FNTB: variants seen among roughly 807,000 people sequenced by gnomAD.
The protein encoded by FNTB is protein farnesyltransferase subunit beta.
In FNTB, 27 loss-of-function variants were observed where a neutral mutation model predicts 59.4. The observed-to-expected ratio is 0.45, with a 90% CI of 0.34 to 0.63. FNTB has a LOEUF of 0.63. Ranked by LOEUF, FNTB falls within the 20% of genes least tolerant of loss-of-function variation. The pLI is 0.02. For missense variants in FNTB, 449 were observed against 559.6 expected (o/e 0.80, Z 1.99); for synonymous variants, 230 against 220.7 (o/e 1.04, Z -0.37).
Position 65,032,305 on chromosome 14 carries a change from A to T in FNTB, c.606-305A>T. 1 of 251,016 alleles carries T rather than the reference A, an allele frequency of 4.0e-6. No homozygotes were observed. Among genetic ancestry groups the T allele is most frequent in the Non-Finnish European group, 7.6e-6 (1 of 131,686 alleles). The allele number at this position is 251,016 out of a possible 1,614,324, so 15.5% of individuals were successfully genotyped here. ...AACCATTATAGGTCTTTGAAAGAAG[A>T]GCTGAATCCACTTTTGACATGAATT... On this transcript the variant is annotated intron_variant, in intron 6 of 11. Coordinates refer to ENST00000246166, the MANE Select transcript of FNTB (RefSeq NM_002028.4). This position sits in a 1 kb window ranked among gnomAD's most constrained non-coding sequence, Gnocchi z 5.0.
Position 65,017,002 on chromosome 14 carries a change from T to A in FNTB, c.374+1286T>A, listed in dbSNP as rs138592521. Among the ~76,000 whole-genome samples, 951 of 146,486 alleles carry A rather than the reference T, an allele frequency of 6.5e-3. 17 individuals carry two copies. The highest frequency in any genetic ancestry group is 0.046 in the South Asian group (204 of 4,462). On this transcript the variant is annotated intron_variant, in intron 4 of 11. Coordinates refer to ENST00000246166, the MANE Select transcript of FNTB (RefSeq NM_002028.4). ...CAGTGGCACAGTCTCAGCTCACTGC[T>A]GCCTCTGCTTCCCGGGTTCAAGCGA... is the stretch of plus-strand genomic sequence containing the variant.
intron 1 of FNTB, among the ~76,000 whole-genome samples, chr14:64,989,272 CAAAAAAAA>C (rs58654871): frequency 1.4e-5 from 1 of 69,938 alleles, no homozygotes; most frequent in African/African-American, 5.4e-5. Context: ...CTGTCTCTAC[CAAAAAAAA>C]AAAAAAAAAA....
At chr14:64,987,358 C>G in intron 1 of FNTB, 1 of 543,106 alleles carries the variant, frequency 1.8e-6, no homozygotes, top group Non-Finnish European at 3.3e-6. Context: ...CCCTAAAGAA[C>G]GAGAAGAATC....
chr14:64,987,174 G>C (rs1566858072), intron 1 of FNTB, 77 bp downstream of exon 1: 3 of 1,549,956 alleles, frequency 1.9e-6, no homozygotes, highest in Non-Finnish European at 2.6e-6. Context: ...GGCCGCCCGG[G>C]TGCGGAACTC....
Position 65,040,870 on chromosome 14 carries a change from C to T in FNTB, c.773C>T (p.Ala258Val), listed in dbSNP as rs200853756. 109 of 1,613,806 alleles carry T rather than the reference C, an allele frequency of 6.8e-5. No homozygotes were observed. The highest frequency in any genetic ancestry group is 8.9e-5 in the Non-Finnish European group (105 of 1,179,940). ...GGCTATACCTTCTGTGGCCTGGCCGCGCTGGTAATCCTCAAGAGGGAACGT... is the reference window on the plus strand; with the variant it reads ...GGCTATACCTTCTGTGGCCTGGCCGTGCTGGTAATCCTCAAGAGGGAACGT... ...HGGYTFCGLA[A>V]LVILKRERSL... The change falls in exon 8 of 12, where the codon GCG (alanine) becomes GTG (valine). Residue 258 changes from alanine to valine, a missense_variant. Physicochemically the swap from Ala to Val is moderately conservative, Grantham distance 64 (BLOSUM62 0). Around this residue, in one of 2 missense-constraint regions of FNTB, gnomAD observed 337 missense variants for 479.1 expected, o/e 0.70. Transcript: ENST00000246166.
chr14:65,000,166 G>A lies in FNTB; in HGVS notation c.145-4083G>A, dbSNP rs973978382. The stretch of plus-strand genomic sequence containing the variant: ...AAGTCGTATGGATTTGAATAGGCTT[G>A]TACTGGGGTAAAGGAAGTGAATTTT... On this transcript the variant is annotated intron_variant, in intron 1 of 11. Transcript: ENST00000246166. 4.6e-5 allele frequency among the ~76,000 whole-genome samples: 7 copies of A among 152,296 alleles called. No individual in the cohort carries two copies. In the East Asian group the frequency reaches 1.4e-3, roughly 29 times the overall value.
intron 1 of FNTB, 83 bp downstream of exon 1, chr14:64,987,180 A>T: frequency 6.6e-7 from 1 of 1,519,042 alleles, no homozygotes; most frequent in Non-Finnish European, 9.0e-7. Flanking sequence ...CCGGGTGCGG[A>T]ACTCACCGGG....
chr14:65,010,173 T>A (rs2139503532), intron 2 of FNTB, among the ~76,000 whole-genome samples: 1 of 152,340 alleles, frequency 6.6e-6, no homozygotes, highest in East Asian at 1.9e-4. Context: ...TCCTCCCTGA[T>A]GGCCTGTGAC....
chr14:65,013,878 T>C (rs2061725636), intron 3 of FNTB, among the ~76,000 whole-genome samples: 1 of 152,318 alleles, frequency 6.6e-6, no homozygotes, highest in South Asian at 2.1e-4. Context: ...TGTAACTACA[T>C]GAGGTAGATC....
chr14:65,036,927 C>T (rs2062205671), intron 7 of FNTB, among the ~76,000 whole-genome samples: 1 of 152,074 alleles, frequency 6.6e-6, no homozygotes, highest in Admixed American at 6.6e-5. Flanking sequence ...CATGAGCCAC[C>T]TCGCCTGGCC....
chr14:65,044,402 C>T lies in FNTB; in HGVS notation c.914C>T (p.Ala305Val), dbSNP rs750508990. 15 of 1,612,900 alleles carry T rather than the reference C, an allele frequency of 9.3e-6. No individual in the cohort carries two copies. Among genetic ancestry groups the T allele is most frequent in the East Asian group, 4.5e-5 (2 of 44,778 alleles). Residue 305 changes from alanine to valine, a missense_variant, in exon 9 of 12, where the codon GCG becomes GTG. Ala to Val is a moderately conservative substitution (Grantham distance 64). This residue lies in a region of FNTB where 337 missense variants were observed against 479.1 expected (regional missense o/e 0.70). Coordinates refer to ENST00000246166, the MANE Select transcript of FNTB (RefSeq NM_002028.4). This position sits in a 1 kb window ranked among gnomAD's most constrained non-coding sequence, Gnocchi z 5.5. ...LVDGCYSFWQ[A>V]GLLPLLHRAL... is the part of the protein sequence containing the mutation. ...GATGGCTGCTACTCCTTCTGGCAGGCGGGGCTCCTGCCCCTGCTCCACCGC... is the reference window on the plus strand; with the variant it reads ...GATGGCTGCTACTCCTTCTGGCAGGTGGGGCTCCTGCCCCTGCTCCACCGC...
chr14:65,054,684 G>A lies in FNTB; in HGVS notation c.1177G>A (p.Ala393Thr), dbSNP rs757715962. ...TGTGGTCCTGGGTGTGCCCGAAAAC[G>A]CTCTGGTAAGACGGGTGCAGGGCTT... ...HDVVLGVPEN[A>T]LQPTHPVYNI... is the part of the protein sequence containing the mutation. Residue 393 changes from alanine to threonine, a missense_variant, in exon 11 of 12, where the codon GCT becomes ACT. Ala to Thr is a moderately conservative substitution (Grantham distance 58). Around this residue, in one of 2 missense-constraint regions of FNTB, gnomAD observed 337 missense variants for 479.1 expected, o/e 0.70. Coordinates refer to ENST00000246166, the MANE Select transcript of FNTB (RefSeq NM_002028.4). This position sits in a 1 kb window ranked among gnomAD's most constrained non-coding sequence, Gnocchi z 4.4. 9.3e-6 allele frequency: 15 copies of A among 1,608,062 alleles called. No individual in the cohort carries two copies. Among genetic ancestry groups the A allele is most frequent in the East Asian group, 9.0e-5 (4 of 44,518 alleles).
rs200008673 is a variant in FNTB at position 65,044,489 on chromosome 14, A to G, written c.955+46A>G. ...ACTTGGGGCTGGATGATTTCCCTCC[A>G]CTACTCACAAAGTCTGGAAGCCCAG... On this transcript the variant is annotated intron_variant, in intron 9 of 11. Coordinates refer to ENST00000246166, the MANE Select transcript of FNTB (RefSeq NM_002028.4). This position sits in a 1 kb window ranked among gnomAD's most constrained non-coding sequence, Gnocchi z 5.5. The G allele has an allele frequency of 2.5e-6, 4 of 1,572,360 alleles. No homozygotes were observed. Among genetic ancestry groups the G allele is most frequent in the Non-Finnish European group, 3.4e-6 (4 of 1,164,252 alleles).
In FNTB at chr14:65,047,053, G is replaced by A. The variant is rs1463336294; in HGVS notation, c.955+2610G>A. Among the ~76,000 whole-genome samples the A allele has an allele frequency of 1.3e-5, 2 of 152,086 alleles. No homozygotes were observed. The highest frequency in any genetic ancestry group is 2.9e-5 in the Non-Finnish European group (2 of 68,020). The stretch of plus-strand genomic sequence containing the variant: ...CATACAAACCAGTAAGAAATGGATG[G>A]ACAACCCAACTGAAAAACAGGCAAA... On this transcript the variant is annotated intron_variant, in intron 9 of 11. Transcript: ENST00000246166. The surrounding 1 kb of genome is among the most constrained non-coding windows in gnomAD (Gnocchi z 5.2).
chr14:65,043,828 C>CAAAAAAAAAAAA (rs749243788), intron 8 of FNTB, among the ~76,000 whole-genome samples: 2 of 64,244 alleles, frequency 3.1e-5, no homozygotes, highest in African/African-American at 1.1e-4. Flanking sequence ...GACTCCGTCT[C>CAAAAAAAAAAAA]AAAAAAAAAA....
At chr14:65,005,477 C>CTTTCTT (rs2061568631) in intron 2 of FNTB, among the ~76,000 whole-genome samples, 1 of 134,082 alleles carries the variant, frequency 7.5e-6, no homozygotes, top group Admixed American at 7.5e-5. Flanking sequence ...TTCTTTCTTT[C>CTTTCTT]TTTCTTTCTT....
chr14:64,996,136 A>G (rs903081379), intron 1 of FNTB, among the ~76,000 whole-genome samples: 16 of 151,014 alleles, frequency 1.1e-4, no homozygotes, highest in African/African-American at 3.6e-4. Context: ...AAAAAAAAAA[A>G]AAAAGAAAAA....
rs181596497 is a variant in FNTB at position 65,042,496 on chromosome 14, C to T, written c.822+1577C>T. Among the ~76,000 whole-genome samples the T allele has an allele frequency of 3.2e-4, 48 of 152,226 alleles. No individual in the cohort carries two copies. The East Asian group carries it at 8.5e-3, about 27-fold the overall frequency. ...GAATCTAATGCTGCTGCTGATCTGT[C>T]AGGAAGTGGAGCTCAGGCAGTAATG... On this transcript the variant is annotated intron_variant, in intron 8 of 11. Transcript: ENST00000246166.
In FNTB at chr14:65,047,060, C is replaced by T. The variant is rs190663446; in HGVS notation, c.955+2617C>T. Among the ~76,000 whole-genome samples, 8 of 152,120 alleles carry T rather than the reference C, an allele frequency of 5.3e-5. No homozygotes were observed. Among genetic ancestry groups the T allele is most frequent in the Non-Finnish European group, 8.8e-5 (6 of 67,982 alleles). ...ACCAGTAAGAAATGGATGGACAACC[C>T]AACTGAAAAACAGGCAAAGGATCTG... On this transcript the variant is annotated intron_variant, in intron 9 of 11. Transcript: ENST00000246166. This position sits in a 1 kb window ranked among gnomAD's most constrained non-coding sequence, Gnocchi z 5.2.
Sources: gnomAD v4.1 joint callset for allele counts (sites outside exome capture counted in the v4.1 genomes callset) on GRCh38, gnomAD v4.1.1 for gene constraint, gnomAD v4.1.1 regional missense constraint, Gnocchi (gnomAD v3.1) non-coding constraint, MANE v1.5 for transcripts, NCBI Gene and HGNC (gene_info 2026-07-23, HGNC 2026-07-21) for gene names.